MRPL23: variants seen among roughly 807,000 people sequenced by gnomAD.
MRPL23 encodes large ribosomal subunit protein uL23m.
For missense variants in MRPL23, 25 were observed against 81.3 expected (o/e 0.31, Z 2.66); for synonymous variants, 12 against 34.8 (o/e 0.35, Z 2.30).
chr11:1,983,537 G>T (rs1272642686), intron 5 of MRPL23: 1 of 99,904 alleles, frequency 1.0e-5, no homozygotes, highest in African/African-American at 3.5e-5. Context: ...CTGTGCCCAG[G>T]GCAGGGTCAG....
the MRPL23 span, among the ~76,000 whole-genome samples, chr11:1,994,673 G>A: frequency 4.0e-5 from 3 of 75,764 alleles, 1 homozygote; most frequent in Non-Finnish European, 1.1e-4. Context: ...CGGGACTGGC[G>A]CGGGGTTCGT....
chr11:1,979,160 C>T, intron 5 of MRPL23, among the ~76,000 whole-genome samples: 1 of 136,670 alleles, frequency 7.3e-6, no homozygotes, highest in Non-Finnish European at 1.6e-5. Context: ...TGGAGAAGTC[C>T]CCGTTATCAG....
chr11:1,994,587 A>AC, the MRPL23 span, among the ~76,000 whole-genome samples: 3 of 92,592 alleles, frequency 3.2e-5, no homozygotes, highest in Non-Finnish European at 5.9e-5. Flanking sequence ...CTCCCCCACA[A>AC]CCCCCTGGCT....
At chr11:1,954,075 GTTC>G (rs2119503869) in intron 4 of MRPL23, among the ~76,000 whole-genome samples, 1 of 121,180 alleles carries the variant, frequency 8.3e-6, no homozygotes, top group South Asian at 3.2e-4. Flanking sequence ...GAGCCCTTGC[GTTC>G]TTCCTCTGGG....
downstream of MRPL23, among the ~76,000 whole-genome samples, chr11:1,959,910 C>G (rs538276849): frequency 1.3e-4 from 16 of 125,240 alleles, no homozygotes; most frequent in Non-Finnish European, 2.3e-4. Context: ...GGAGCAGGGT[C>G]GGGGACAGCC....
downstream of MRPL23, among the ~76,000 whole-genome samples, chr11:1,959,274 C>A: frequency 1.4e-5 from 1 of 72,098 alleles, no homozygotes; most frequent in Non-Finnish European, 2.9e-5. Context: ...CAGGCGGCCC[C>A]ACTCAGGGTC....
At chr11:1,951,644 C>T (rs1856313397) in intron 2 of MRPL23, among the ~76,000 whole-genome samples, 1 of 85,850 alleles carries the variant, frequency 1.2e-5, no homozygotes, top group Non-Finnish European at 2.2e-5. Flanking sequence ...GCAGTTAACG[C>T]ACCGAATGCC....
rs1158763206 is a variant in MRPL23, at chr11:1,983,373, G to A, written c.498-1065G>A. On this transcript the variant is annotated intron_variant, in intron 5 of 5. Transcript: ENST00000397297. ...CCAGAGTGGCCTTTGACCCTCCTTC[G>A]CTGCCCCTGCCACACCAACCAGGCC... 4 of 32,492 alleles carry A rather than the reference G, an allele frequency of 1.2e-4. 1 individual carries two copies. The highest frequency in any genetic ancestry group is 2.6e-3 in the South Asian group (2 of 756). 2.0% of individuals were successfully genotyped at this position (32,492 alleles called of 1,614,324 possible).
intron 5 of MRPL23, among the ~76,000 whole-genome samples, chr11:1,979,224 T>C (rs1399859499): frequency 6.9e-6 from 1 of 144,546 alleles, no homozygotes; most frequent in East Asian, 2.0e-4. Context: ...TCATCACTCC[T>C]CCTGGACCCA....
chr11:1,989,150 G>C (rs750459326), downstream of MRPL23, among the ~76,000 whole-genome samples: 16 of 126,262 alleles, frequency 1.3e-4, 1 homozygote, highest in Non-Finnish European at 2.6e-4. Flanking sequence ...TGTGTCTGGA[G>C]AGAAGGGGGA....
intron 4 of MRPL23, among the ~76,000 whole-genome samples, chr11:1,971,215 C>T (rs983764460): frequency 7.9e-6 from 1 of 126,048 alleles, no homozygotes; most frequent in Admixed American, 8.0e-5. Flanking sequence ...CCCTGCAAGC[C>T]TGCCTTAGCC....
chr11:1,991,694 A>G, the MRPL23 span, among the ~76,000 whole-genome samples: 1 of 131,022 alleles, frequency 7.6e-6, no homozygotes, highest in Non-Finnish European at 1.7e-5. Context: ...CCTGGCCCCC[A>G]TGTTGGGAGG....
At position 1,962,304 on chromosome 11, in the gene MRPL23, TC is replaced by T. The variant is rs1329977598; in HGVS notation, c.366del (p.Cys123AlafsTer32). The T allele has an allele frequency of 9.6e-6, 4 of 415,200 alleles. No homozygotes were observed. Among genetic ancestry groups the T allele is most frequent in the South Asian group, 2.7e-5 (1 of 36,590 alleles). The allele number at this position is 415,200 out of a possible 1,614,324, so 25.7% of individuals were successfully genotyped here. A position where few individuals can be genotyped will look rare whatever the true frequency, so the allele number is the denominator to read the frequency against. ...GCTCACAGCTCCGCACCCCCAGAAT[TC>T]CCTGCATTGTCGCCTTTGCGTCTTG... On this transcript the variant is annotated frameshift_variant, in exon 5 of 5. Coordinates refer to the MRPL23 transcript ENST00000381514. LOFTEE classifies it low-confidence loss of function (END_TRUNC).
downstream of MRPL23, among the ~76,000 whole-genome samples, chr11:1,988,611 T>C (rs1436082074): frequency 1.2e-4 from 14 of 113,890 alleles, no homozygotes; most frequent in East Asian, 3.6e-3. Flanking sequence ...AGGCTGGGGC[T>C]GCGGGGGCTA....
At chr11:1,989,389 AC>A (rs1036655410), downstream of MRPL23, among the ~76,000 whole-genome samples, 1 of 19,158 alleles carries the variant, frequency 5.2e-5, no homozygotes, top group Non-Finnish European at 1.8e-4. Flanking sequence ...ATCAGGCCAG[AC>A]CCCCCAGGGG....
chr11:1,954,722 C>CA (rs1230761727), intron 4 of MRPL23, among the ~76,000 whole-genome samples: 3 of 44,776 alleles, frequency 6.7e-5, no homozygotes, highest in African/African-American at 1.4e-4. Flanking sequence ...GAAGGGCGCA[C>CA]GACATGAGAG....
downstream of MRPL23, chr11:1,956,619 CCTT>C (rs1429008279): frequency 7.5e-6 from 1 of 134,186 alleles, no homozygotes. Flanking sequence ...AGCTCTGCTT[CCTT>C]CTTCTCTTGG....
In MRPL23 at chr11:1,950,673, T is replaced by C. The variant is rs1308997; in HGVS notation, c.18-226T>C. On this transcript the variant is annotated intron_variant, in intron 1 of 4. Transcript: ENST00000397298. Reference sequence around the variant, plus strand: ...CGGGGGTCTGCAGGGTTAGCTACCCTGTTTCCCGCCCACCACTGTTGGGAG... The same window carrying C: ...CGGGGGTCTGCAGGGTTAGCTACCCCGTTTCCCGCCCACCACTGTTGGGAG... Among the ~76,000 whole-genome samples, 34 of 28,488 alleles carry C rather than the reference T, an allele frequency of 1.2e-3. 2 individuals carry two copies. The highest frequency in any genetic ancestry group is 2.7e-3 in the African/African-American group (33 of 12,152). 18.7% of individuals were successfully genotyped at this position (28,488 alleles called of 152,430 possible).
chr11:1,994,168 A>T, the MRPL23 span, among the ~76,000 whole-genome samples: 1 of 65,942 alleles, frequency 1.5e-5, no homozygotes, highest in Admixed American at 1.5e-4. Context: ...TGCACTGGGA[A>T]TGGGGGTGGA....
Sources: allele counts gnomAD v4.1 joint callset (sites outside exome capture counted in the v4.1 genomes callset), GRCh38; gene constraint gnomAD v4.1.1; transcripts MANE v1.5; gene names NCBI Gene and HGNC (gene_info 2026-07-23, HGNC 2026-07-21).